The following IFT88 variants were observed in gnomAD, a reference collection of about 807,000 sequenced individuals.
The protein encoded by IFT88 is intraflagellar transport 88.
Under a neutral mutation model 119.5 loss-of-function variants are expected in IFT88, and 74 were observed. That is an observed-to-expected ratio of 0.62 (90% CI 0.51 to 0.75). IFT88 has a LOEUF of 0.75. Among genes scored for constraint, IFT88 ranks in the 30% least tolerant of loss-of-function variants. The probability of loss-of-function intolerance (pLI) is 0.00; values close to 1 mark genes in which losing one functional copy is unlikely to be tolerated. For missense variants in IFT88, 961 were observed against 977.7 expected (o/e 0.98, Z 0.23); for synonymous variants, 279 against 316.7 (o/e 0.88, Z 1.26).
intron 19 of IFT88, 139 bp from the exon 20 acceptor site, chr13:20,644,704 C>A: frequency 2.5e-6 from 1 of 407,362 alleles, no homozygotes; most frequent in Non-Finnish European, 4.4e-6. Context: ...TCAGAATTTA[C>A]AAAGTACTTA....
intron 22 of IFT88, among the ~76,000 whole-genome samples, chr13:20,657,364 T>G (rs1035870205): frequency 1.4e-4 from 22 of 152,286 alleles, no homozygotes; most frequent in African/African-American, 5.1e-4. Context: ...ATATGCCACA[T>G]GTTCTCACTA....
intron 24 of IFT88, among the ~76,000 whole-genome samples, chr13:20,683,845 C>T (rs890018909): frequency 8.5e-5 from 13 of 152,182 alleles, no homozygotes; most frequent in Non-Finnish European, 1.5e-4. Context: ...CTGTGCTATA[C>T]GCTCTCCTGG....
intron 9 of IFT88, among the ~76,000 whole-genome samples, chr13:20,597,636 T>G (rs867107338): frequency 6.6e-6 from 1 of 151,346 alleles, no homozygotes; most frequent in Admixed American, 6.6e-5. Flanking sequence ...CCCAGCTACT[T>G]GGGAGGCTGG....
chr13:20,579,990 G>T (rs1211179322), intron 2 of IFT88, among the ~76,000 whole-genome samples: 1 of 152,110 alleles, frequency 6.6e-6, no homozygotes, highest in Admixed American at 6.6e-5. Flanking sequence ...ACAAAAACTA[G>T]TAATCCCATC....
intron 3 of IFT88, among the ~76,000 whole-genome samples, chr13:20,587,877 G>A (rs2987989): frequency 0.78 from 118,306 of 151,884 alleles, 46,729 homozygotes; most frequent in East Asian, 1. Flanking sequence ...TATTAGCAGC[G>A]TGTGATTGGT....
chr13:20,635,812 A>G (rs879597529), intron 16 of IFT88, among the ~76,000 whole-genome samples: 14 of 152,140 alleles, frequency 9.2e-5, no homozygotes, highest in Admixed American at 9.2e-4. Context: ...TGATAGGTCC[A>G]GCAAACCACC....
chr13:20,661,845 C>A (rs8002138), intron 22 of IFT88, among the ~76,000 whole-genome samples: 34,019 of 151,948 alleles, frequency 0.22, 4,555 homozygotes, highest in African/African-American at 0.36. Context: ...GTAGTGGAGA[C>A]GTCAGCAGAA....
In IFT88 at chr13:20,644,850, G is replaced by A. The variant is rs1478634020; in HGVS notation, c.1841G>A (p.Arg614Lys). The A allele has an allele frequency of 6.7e-7, 1 of 1,491,872 alleles. No individual in the cohort carries two copies. Among genetic ancestry groups the A allele is most frequent in the East Asian group, 2.3e-5 (1 of 44,102 alleles). The allele number at this position is 1,491,872 out of a possible 1,614,324, so 92.4% of individuals were successfully genotyped here. A position where few individuals can be genotyped will look rare whatever the true frequency, so the allele number is the denominator to read the frequency against. Residue 614 changes from arginine (R) to lysine (K), a missense_variant, in exon 20 of 26, where the codon AGG becomes AAG. Arg to Lys is a conservative substitution (Grantham distance 26, BLOSUM62 2). Coordinates refer to ENST00000351808, the MANE Select transcript of IFT88 (RefSeq NM_006531.5). Reference protein sequence around the residue: ...QAFQYYYESYRYFPCNIEVIE... With the variant: ...QAFQYYYESYKYFPCNIEVIE... ...TCCATATTTGTTTTACAGTCATATA[G>A]GTATTTTCCTTGTAATATTGAAGTC...
At chr13:20,584,236 C>G (rs1447005249) in intron 3 of IFT88, among the ~76,000 whole-genome samples, 2 of 151,596 alleles carry the variant, frequency 1.3e-5, no homozygotes, top group African/African-American at 4.8e-5. Flanking sequence ...GACATCTTAA[C>G]AATATTAAGT....
At chr13:20,660,715 T>G (rs1353106447) in intron 22 of IFT88, among the ~76,000 whole-genome samples, 3 of 152,134 alleles carry the variant, frequency 2.0e-5, no homozygotes, top group Non-Finnish European at 1.5e-5. Context: ...TGCACAAATA[T>G]AGCTCTGGGA....
chr13:20,569,009 G>A (rs74973045), intron 1 of IFT88, among the ~76,000 whole-genome samples: 6,483 of 152,006 alleles, frequency 0.043, 183 homozygotes, highest in Middle Eastern at 0.075. Flanking sequence ...CGTGAGCCAC[G>A]ACGCCTGGCC....
rs772160718 is a variant in IFT88, at chr13:20,574,365, G to T, written c.-6-15G>T. ...CTTATACCAAGAACATATTTACACTGCCAGTTTTTCCTAGGTACAAATGAT... is the reference window on the plus strand; with the variant it reads ...CTTATACCAAGAACATATTTACACTTCCAGTTTTTCCTAGGTACAAATGAT... On this transcript the variant is annotated splice_polypyrimidine_tract_variant and intron_variant, in intron 1 of 25. Transcript: ENST00000351808. 1.3e-6 allele frequency: 2 copies of T among 1,512,764 alleles called. No individual in the cohort carries two copies. Among genetic ancestry groups the T allele is most frequent in the Non-Finnish European group, 1.8e-6 (2 of 1,094,138 alleles). 93.7% of individuals were successfully genotyped at this position (1,512,764 alleles called of 1,614,324 possible). A position where few individuals can be genotyped will look rare whatever the true frequency, so the allele number is the denominator to read the frequency against.
intron 23 of IFT88, among the ~76,000 whole-genome samples, chr13:20,668,260 G>A (rs1158039221): frequency 6.6e-6 from 1 of 152,206 alleles, no homozygotes; most frequent in Non-Finnish European, 1.5e-5. Context: ...TTGCATCTCC[G>A]AAGGAAGCAC....
Position 20,691,226 on chromosome 13 carries a change from C to T in IFT88, c.*51C>T. The T allele has an allele frequency of 6.6e-7, 1 of 1,519,774 alleles. No homozygotes were observed. Among genetic ancestry groups the T allele is most frequent in the Non-Finnish European group, 9.0e-7 (1 of 1,113,554 alleles). The allele number at this position is 1,519,774 out of a possible 1,614,324, so 94.1% of individuals were successfully genotyped here. On this transcript the variant is annotated 3_prime_UTR_variant, in exon 26 of 26. Coordinates refer to ENST00000351808, the MANE Select transcript of IFT88 (RefSeq NM_006531.5). ...AAAGAAATTGCCTTATGAGATCATC[C>T]TCATGTTAAACCTTGGATTAAATAT...
At chr13:20,680,701 C>T (rs753534959) in intron 24 of IFT88, among the ~76,000 whole-genome samples, 34 of 152,230 alleles carry the variant, frequency 2.2e-4, no homozygotes, top group Admixed American at 1.0e-3. Context: ...TGGCTGCAAC[C>T]GGGGGGTCCT....
intron 16 of IFT88, among the ~76,000 whole-genome samples, chr13:20,633,718 C>T (rs1462509372): frequency 6.6e-6 from 1 of 152,144 alleles, no homozygotes; most frequent in East Asian, 1.9e-4. Context: ...TCAGCAATTT[C>T]TTATACTTGG....
chr13:20,583,042 A>T (rs538449134), intron 3 of IFT88, 23 bp downstream of exon 3: 308 of 1,462,018 alleles, frequency 2.1e-4, no homozygotes, highest in Middle Eastern at 1.6e-3. Context: ...AATTTTTTTT[A>T]AATTGTGGTA....
chr13:20,680,460 A>G (rs2057191481), intron 24 of IFT88, among the ~76,000 whole-genome samples: 1 of 152,198 alleles, frequency 6.6e-6, no homozygotes, highest in South Asian at 2.1e-4. Context: ...ATATATGCCC[A>G]ATAAGTATAA....
chr13:20,671,392 A>G (rs1474702824), intron 24 of IFT88, among the ~76,000 whole-genome samples: 1 of 152,176 alleles, frequency 6.6e-6, no homozygotes, highest in Non-Finnish European at 1.5e-5. Context: ...GTGCCACGAG[A>G]AGGAGGATGG....
Sources: gnomAD v4.1 joint callset for allele counts (sites outside exome capture counted in the v4.1 genomes callset) on GRCh38, gnomAD v4.1.1 for gene constraint, MANE v1.5 for transcripts, NCBI Gene and HGNC (gene_info 2026-07-23, HGNC 2026-07-21) for gene names.